Variants in DLG2 observed in about 807,000 individuals in gnomAD.
The protein encoded by DLG2 is discs large MAGUK scaffold protein 2, also known as disks large homolog 2.
DLG2 carries 45 observed loss-of-function variants against 132.5 expected under a neutral mutation model. The ratio of observed to expected loss-of-function variants is 0.34; its 90% CI spans 0.27 to 0.44. DLG2 has a LOEUF of 0.44. Ranked by LOEUF, DLG2 falls within the 20% of genes least tolerant of loss-of-function variation. DLG2 has a pLI of 1.00. For synonymous variants in DLG2, 424 were observed against 419.6 expected (o/e 1.01, Z -0.13); for missense variants, 1,045 against 1,196.9 (o/e 0.87, Z 1.87).
In DLG2 at chr11:84,964,223, A is replaced by G. The variant is rs566892829; in HGVS notation, c.357+147438T>C. 2.0e-5 allele frequency among the ~76,000 whole-genome samples: 3 copies of G among 152,224 alleles called. No homozygotes were observed. In the East Asian group the frequency reaches 5.8e-4, roughly 29 times the overall value. ...ACAGAAAAGTATTTGATTGGAAATC[A>G]TCTTTGTGACCTCTTTGGTTTGCCC... is the stretch of plus-strand genomic sequence containing the variant. On this transcript the variant is annotated intron_variant, in intron 6 of 27. Transcript: ENST00000376104.
intron 6 of DLG2, among the ~76,000 whole-genome samples, chr11:84,864,383 A>G (rs1040452422): frequency 2.0e-5 from 3 of 152,172 alleles, no homozygotes; most frequent in African/African-American, 7.2e-5. Context: ...ATACACTTCT[A>G]TGGATTAGCC....
rs563333744 is a variant in DLG2 at position 84,504,849 on chromosome 11, T to C, written c.519+29721A>G. On this transcript the variant is annotated intron_variant, in intron 7 of 27. Coordinates refer to ENST00000376104, the MANE Select transcript of DLG2 (RefSeq NM_001142699.3). ...ATCTATAATTGACTCTAAAACTTGA[T>C]GGCTCTTTGACTGAATCATCTATTT... is the stretch of plus-strand genomic sequence containing the variant. Among the ~76,000 whole-genome samples, 123 of 152,268 alleles carry C rather than the reference T, an allele frequency of 8.1e-4. No individual in the cohort carries two copies. In the South Asian group the frequency reaches 0.014, roughly 17 times the overall value.
intron 6 of DLG2, among the ~76,000 whole-genome samples, chr11:84,691,233 G>T (rs1414052155): frequency 2.0e-5 from 3 of 151,586 alleles, no homozygotes; most frequent in African/African-American, 7.3e-5. Flanking sequence ...ATTATTTTTA[G>T]TAGGAACATA....
chr11:83,966,457 T>A (rs1455942313), intron 12 of DLG2, among the ~76,000 whole-genome samples: 1 of 152,018 alleles, frequency 6.6e-6, no homozygotes, highest in East Asian at 1.9e-4. Context: ...AATGATACAC[T>A]GACTTCATGG....
Position 84,407,035 on chromosome 11 carries a change from C to A in DLG2, c.519+127535G>T, listed in dbSNP as rs17147298. ...CAAATTCTAAAACTTTAGGCCTCAT[C>A]ATTAACCTATTATTCAAGCCCTGAC... On this transcript the variant is annotated intron_variant, in intron 7 of 27. Coordinates refer to ENST00000376104, the MANE Select transcript of DLG2 (RefSeq NM_001142699.3). Among the ~76,000 whole-genome samples, 1,003 of 152,244 alleles carry A rather than the reference C, an allele frequency of 6.6e-3. 12 individuals are homozygous for A. The highest frequency in any genetic ancestry group is 0.023 in the African/African-American group (956 of 41,536).
At chr11:83,480,237 C>A (rs1283539347) in intron 22 of DLG2, 1 of 718,254 alleles carries the variant, frequency 1.4e-6, no homozygotes, top group Non-Finnish European at 2.3e-6. Context: ...CCAGTGATTT[C>A]ATTTCAAGCC....
At chr11:83,546,777 T>C (rs1362556748) in intron 19 of DLG2, among the ~76,000 whole-genome samples, 9 of 152,254 alleles carry the variant, frequency 5.9e-5, no homozygotes, top group African/African-American at 4.8e-5. Context: ...ATAACACTTA[T>C]AGTGATACTA....
chr11:85,603,115 G>C (rs539548874), intron 2 of DLG2, among the ~76,000 whole-genome samples: 1 of 152,138 alleles, frequency 6.6e-6, no homozygotes, highest in African/African-American at 2.4e-5. Flanking sequence ...TATTAACAAA[G>C]AATGGTGATA....
rs746667659 is a variant in DLG2 at position 84,029,263 on chromosome 11, A to T, written c.919+30052T>A. On this transcript the variant is annotated intron_variant, in intron 11 of 27. Coordinates refer to ENST00000376104, the MANE Select transcript of DLG2 (RefSeq NM_001142699.3). ...TGACCACCAATAAAAAAGATAGTAT[A>T]ATCTCTTCTTTATACTCAGATTAAT... Among the ~76,000 whole-genome samples the T allele has an allele frequency of 3.3e-5, 5 of 152,130 alleles. No individual in the cohort carries two copies. In the East Asian group the frequency reaches 9.6e-4, roughly 29 times the overall value.
At chr11:83,925,846 GC>G (rs1381159159) in intron 15 of DLG2, among the ~76,000 whole-genome samples, 2 of 151,988 alleles carry the variant, frequency 1.3e-5, no homozygotes, top group Non-Finnish European at 2.9e-5. Context: ...AATATCAAAA[GC>G]TGAAAAACTT....
chr11:83,857,185 T>A (rs2060665324), intron 16 of DLG2, among the ~76,000 whole-genome samples: 1 of 152,196 alleles, frequency 6.6e-6, no homozygotes, highest in South Asian at 2.1e-4. Context: ...GGTCTATGTG[T>A]CTGTTTTTGT....
rs1331412213 is a variant in DLG2, at chr11:84,697,383, A to C, written c.358-162652T>G. Among the ~76,000 whole-genome samples, 3 of 151,648 alleles carry C rather than the reference A, an allele frequency of 2.0e-5. No homozygotes were observed. The East Asian group carries it at 5.8e-4, about 29-fold the overall frequency. On this transcript the variant is annotated intron_variant, in intron 6 of 27. Transcript: ENST00000376104. ...AAGAATACACACATTTTGAATACAA[A>C]ACAACTTAATTCAGGTGAACTTGGT...
In DLG2 at chr11:83,554,715, T is replaced by G. The variant is rs553880702; in HGVS notation, c.1941-12857A>C. ...GGAGCTTGGAGCAGAAGATGTTCCA[T>G]TGGGCTGGACTGACTGGGCAATGGG... is the stretch of plus-strand genomic sequence containing the variant. On this transcript the variant is annotated intron_variant, in intron 19 of 27. Transcript: ENST00000376104. Among the ~76,000 whole-genome samples, 45 of 152,310 alleles carry G rather than the reference T, an allele frequency of 3.0e-4. No individual in the cohort carries two copies. In the East Asian group the frequency reaches 8.5e-3, roughly 29 times the overall value.
At chr11:85,203,135 C>CA (rs977339440) in intron 4 of DLG2, among the ~76,000 whole-genome samples, 9 of 150,638 alleles carry the variant, frequency 6.0e-5, no homozygotes, top group Admixed American at 4.0e-4. Flanking sequence ...CTTTTAATGG[C>CA]AAAAAAAGCA....
At chr11:83,723,048 G>A (rs2089091522) in intron 18 of DLG2, among the ~76,000 whole-genome samples, 1 of 152,150 alleles carries the variant, frequency 6.6e-6, no homozygotes, top group South Asian at 2.1e-4. Context: ...AGAGGTAGAA[G>A]GTTCATTAGG....
chr11:85,059,401 T>A (rs538636129), intron 6 of DLG2, among the ~76,000 whole-genome samples: 2 of 151,702 alleles, frequency 1.3e-5, no homozygotes, highest in African/African-American at 4.8e-5. Flanking sequence ...GATCTAGCAA[T>A]TGTACTACCA....
At chr11:84,385,712 C>CTTATTAAA (rs1399810545) in intron 7 of DLG2, among the ~76,000 whole-genome samples, 2 of 152,076 alleles carry the variant, frequency 1.3e-5, no homozygotes, top group Non-Finnish European at 2.9e-5. Flanking sequence ...ATCAACCTAA[C>CTTATTAAA]CTGCCTACTT....
At chr11:85,306,512 G>A (rs534339216) in intron 3 of DLG2, among the ~76,000 whole-genome samples, 10 of 152,208 alleles carry the variant, frequency 6.6e-5, no homozygotes, top group East Asian at 1.9e-4. Context: ...GAATGGGGCC[G>A]AAGAGCCCTT....
intron 6 of DLG2, among the ~76,000 whole-genome samples, chr11:84,821,759 G>T (rs1434237511): frequency 1.3e-5 from 2 of 151,348 alleles, no homozygotes; most frequent in African/African-American, 4.8e-5. Flanking sequence ...ATAACCCATT[G>T]TGTATTACAA....
Sources: allele counts gnomAD v4.1 joint callset (sites outside exome capture counted in the v4.1 genomes callset), GRCh38; gene constraint gnomAD v4.1.1; transcripts MANE v1.5; gene names NCBI Gene and HGNC (gene_info 2026-07-23, HGNC 2026-07-21).